Variants in LMBRD1 observed in about 807,000 individuals in gnomAD.
LMBRD1 encodes LMBR1 domain containing 1.
In LMBRD1, 64 loss-of-function variants were observed where a neutral mutation model predicts 74.8. The observed-to-expected ratio is 0.86, with a 90% CI of 0.70 to 1.05. The LOEUF is 1.05. LMBRD1 is among the 50% of genes least tolerant of loss of function. The pLI, the probability that LMBRD1 is intolerant of heterozygous loss-of-function variation, is 0.00. For missense variants in LMBRD1, 652 were observed against 645.9 expected (o/e 1.01, Z -0.10); for synonymous variants, 204 against 216.3 (o/e 0.94, Z 0.50).
intron 14 of LMBRD1, among the ~76,000 whole-genome samples, chr6:69,682,337 C>T (rs1765681478): frequency 6.6e-6 from 1 of 151,818 alleles, no homozygotes; most frequent in South Asian, 2.1e-4. Flanking sequence ...CAAACTGTAT[C>T]AGGTTAATAA....
At chr6:69,790,660 C>G (rs1766061533) in intron 1 of LMBRD1, 188 bp from the exon 2 acceptor site, 1 of 612,166 alleles carries the variant, frequency 1.6e-6, no homozygotes, top group Non-Finnish European at 2.9e-6. Context: ...TTCATGAATG[C>G]AGTACATCAC....
rs1297404290 is a variant in LMBRD1 at position 69,713,648 on chromosome 6, C to T, written c.912G>A (p.Leu304=). The change falls in exon 9 of 16, where the codon CTG becomes CTA. Residue 304 remains leucine (L), a synonymous_variant. Coordinates refer to ENST00000649934, the MANE Select transcript of LMBRD1 (RefSeq NM_018368.4). Reference sequence around the variant, plus strand: ...AATTTTTAAAAACTTCATTTACCTTCAGGGGACGCAGAGCGCCACAAAATT... The same window carrying T: ...AATTTTTAAAAACTTCATTTACCTTTAGGGGACGCAGAGCGCCACAAAATT... ...WTKFCGALRP[L]KIVWGIFFIL... is the part of the protein sequence containing the mutation. The T allele has an allele frequency of 6.2e-7, 1 of 1,613,348 alleles. No homozygotes were observed.
At chr6:69,742,156 T>A (rs1053654699) in intron 5 of LMBRD1, among the ~76,000 whole-genome samples, 1 of 152,012 alleles carries the variant, frequency 6.6e-6, no homozygotes, top group Admixed American at 6.5e-5. Flanking sequence ...AAACAAAAAA[T>A]TAATATATAA....
intron 1 of LMBRD1, 86 bp downstream of exon 1, chr6:69,796,726 CG>C: frequency 7.9e-7 from 1 of 1,265,230 alleles, no homozygotes; most frequent in Non-Finnish European, 1.1e-6. Flanking sequence ...AGAGGGTCTC[CG>C]GGGCCCGGAG....
At chr6:69,784,602 A>G (rs1281468532) in intron 2 of LMBRD1, among the ~76,000 whole-genome samples, 1 of 152,222 alleles carries the variant, frequency 6.6e-6, no homozygotes, top group Non-Finnish European at 1.5e-5. Context: ...AGAATTATCC[A>G]AGGCAAAATG....
chr6:69,779,456 T>C (rs1765779020), intron 3 of LMBRD1, among the ~76,000 whole-genome samples: 1 of 151,924 alleles, frequency 6.6e-6, no homozygotes, highest in South Asian at 2.1e-4. Flanking sequence ...GAGAATGATG[T>C]TTGAGGGAGG....
At chr6:69,744,306 G>A (rs1462465115) in intron 5 of LMBRD1, among the ~76,000 whole-genome samples, 1 of 152,064 alleles carries the variant, frequency 6.6e-6, no homozygotes, top group African/African-American at 2.4e-5. Context: ...TTCCATTATT[G>A]GAATACTAAG....
In LMBRD1 at chr6:69,700,938, G is replaced by A. The variant is rs1582062783; in HGVS notation, c.1084-69C>T. On this transcript the variant is annotated intron_variant, in intron 11 of 15. Coordinates refer to ENST00000649934, the MANE Select transcript of LMBRD1 (RefSeq NM_018368.4). ...GCACTCTAACAGTCATATAAAATAA[G>A]CTAAAAACTTCATTATTCTCATCCG... The A allele has an allele frequency of 7.9e-6, 8 of 1,011,174 alleles. No individual in the cohort carries two copies. The Admixed American group carries it at 2.4e-4, about 30-fold the overall frequency. 62.6% of individuals were successfully genotyped at this position (1,011,174 alleles called of 1,614,324 possible).
At chr6:69,718,031 G>A (rs9454877) in intron 8 of LMBRD1, among the ~76,000 whole-genome samples, 4,853 of 152,068 alleles carry the variant, frequency 0.032, 240 homozygotes, top group African/African-American at 0.11. Context: ...TAAGAAAGCC[G>A]GTATATGGTT....
chr6:69,776,023 C>G (rs1461789321), intron 3 of LMBRD1, among the ~76,000 whole-genome samples: 3 of 152,180 alleles, frequency 2.0e-5, no homozygotes, highest in Non-Finnish European at 4.4e-5. Context: ...TCAATATATA[C>G]TTTTCTGATA....
chr6:69,757,149 T>C (rs1157485507), intron 3 of LMBRD1, among the ~76,000 whole-genome samples: 1 of 152,048 alleles, frequency 6.6e-6, no homozygotes, highest in African/African-American at 2.4e-5. Context: ...AAAAGAAACA[T>C]GAGAAACAGA....
intron 7 of LMBRD1, among the ~76,000 whole-genome samples, chr6:69,736,235 T>C (rs563285698): frequency 6.6e-6 from 1 of 152,248 alleles, no homozygotes; most frequent in East Asian, 1.9e-4. Context: ...TGTACTATCT[T>C]TTCAAAGATC....
In LMBRD1 at chr6:69,796,933, G is replaced by GGGGAAAGGGGAGA; in HGVS notation, c.-65_-53dup. 1.3e-6 allele frequency: 2 copies of GGGGAAAGGGGAGA among 1,501,706 alleles called. No homozygotes were observed. Among genetic ancestry groups the GGGGAAAGGGGAGA allele is most frequent in the Non-Finnish European group, 1.8e-6 (2 of 1,084,722 alleles). 93.0% of individuals were successfully genotyped at this position (1,501,706 alleles called of 1,614,324 possible). A position where few individuals can be genotyped will look rare whatever the true frequency, so the allele number is the denominator to read the frequency against. On this transcript the variant is annotated 5_prime_UTR_variant, in exon 1 of 16. Transcript: ENST00000649934. ...AGCGCCCGGGGTGGGGAAAGGGGAG[G>GGGGAAAGGGGAGA]GGGAAAGGGGAGAGAGCGCGAGATA...
At chr6:69,783,818 T>C (rs947409139) in intron 2 of LMBRD1, among the ~76,000 whole-genome samples, 7 of 152,048 alleles carry the variant, frequency 4.6e-5, no homozygotes, top group African/African-American at 1.7e-4. Context: ...CCACTGAGAA[T>C]CACTTAAAAA....
At chr6:69,783,693 A>C (rs769221115) in intron 2 of LMBRD1, among the ~76,000 whole-genome samples, 2 of 152,160 alleles carry the variant, frequency 1.3e-5, no homozygotes, top group Non-Finnish European at 2.9e-5. Context: ...TGAGCAAATT[A>C]AGAACAATGT....
intron 7 of LMBRD1, among the ~76,000 whole-genome samples, chr6:69,722,152 T>G (rs570033407): frequency 2.0e-5 from 3 of 152,298 alleles, no homozygotes; most frequent in African/African-American, 7.2e-5. Context: ...CTTAAAGTGC[T>G]GAAGATAGAA....
intron 7 of LMBRD1, among the ~76,000 whole-genome samples, chr6:69,727,217 C>T (rs1201986044): frequency 5.9e-5 from 9 of 152,146 alleles, no homozygotes; most frequent in Non-Finnish European, 1.2e-4. Context: ...CTGTTTGTAA[C>T]ACAAAGTATA....
chr6:69,718,894 A>G (rs892926077), intron 8 of LMBRD1, 62 bp downstream of exon 8: 1 of 1,574,012 alleles, frequency 6.4e-7, no homozygotes, highest in Admixed American at 1.7e-5. Context: ...AAGTCATATC[A>G]GAAAGCAGCT....
rs762697760 is a variant in LMBRD1 at position 69,676,506 on chromosome 6, G to A, written c.1453C>T (p.His485Tyr). 1 of 1,613,428 alleles carries A rather than the reference G, an allele frequency of 6.2e-7. No homozygotes were observed. The highest frequency in any genetic ancestry group is 8.5e-7 in the Non-Finnish European group (1 of 1,179,590). The change falls in exon 15 of 16, where the codon CAC becomes TAC. Residue 485 changes from histidine to tyrosine, a missense_variant. Transcript: ENST00000649934. Reference protein sequence around the residue: ...CTVTRTYLFLHKFWFFSAAYY... With the variant: ...CTVTRTYLFLYKFWFFSAAYY... ...GCAGCACTGAAGAACCAGAACTTGTGAAGGAATAGGTATGTCCGGGTAACA... is the reference window on the plus strand; with the variant it reads ...GCAGCACTGAAGAACCAGAACTTGTAAAGGAATAGGTATGTCCGGGTAACA...
Sources: gnomAD v4.1 joint callset for allele counts (sites outside exome capture counted in the v4.1 genomes callset) on GRCh38, gnomAD v4.1.1 for gene constraint, MANE v1.5 for transcripts, NCBI Gene and HGNC (gene_info 2026-07-23, HGNC 2026-07-21) for gene names.